The following MLLT1 variants were observed in gnomAD, a reference collection of about 807,000 sequenced individuals.
MLLT1 encodes the protein MLLT1 super elongation complex subunit.
MLLT1 carries 11 observed loss-of-function variants against 55.1 expected under a neutral mutation model. The observed-to-expected ratio is 0.20, with a 90% CI of 0.13 to 0.33. The LOEUF is 0.33. Ranked by LOEUF, MLLT1 falls within the 10% of genes least tolerant of loss-of-function variation. The pLI is 1.00. For missense variants in MLLT1, 536 were observed against 760.6 expected (o/e 0.70, Z 3.47); for synonymous variants, 323 against 320.1 (o/e 1.01, Z -0.10).
At chr19:6,215,121 G>A in intron 8 of MLLT1, among the ~76,000 whole-genome samples, 1 of 152,226 alleles carries the variant, frequency 6.6e-6, no homozygotes, top group East Asian at 1.9e-4. Context: ...CAGCAGACCA[G>A]GGTGTGCAGA....
At chr19:6,232,064 T>C (rs1269502907) in intron 3 of MLLT1, among the ~76,000 whole-genome samples, 1 of 152,096 alleles carries the variant, frequency 6.6e-6, no homozygotes, top group African/African-American at 2.4e-5. Flanking sequence ...GGCGAAACCC[T>C]GTCTCCACTA....
Position 6,260,221 on chromosome 19 carries a change from T to C in MLLT1, c.276+2007A>G, listed in dbSNP as rs1038403801. Among the ~76,000 whole-genome samples the C allele has an allele frequency of 2.0e-5, 3 of 151,772 alleles. No homozygotes were observed. The East Asian group carries it at 5.8e-4, about 29-fold the overall frequency. On this transcript the variant is annotated intron_variant, in intron 3 of 11. Transcript: ENST00000252674. ...ACACAGGGGAGGATGCTGGGCCCAG[T>C]AGTGACAATCCTATGGTCAAAGGGC...
At chr19:6,236,737 C>T (rs1049727274) in intron 3 of MLLT1, among the ~76,000 whole-genome samples, 7 of 152,206 alleles carry the variant, frequency 4.6e-5, no homozygotes, top group Admixed American at 2.0e-4. Flanking sequence ...CCTGGCTACC[C>T]CTGGAAACCA....
chr19:6,258,425 A>C (rs114579139), intron 3 of MLLT1, among the ~76,000 whole-genome samples: 1,691 of 152,330 alleles, frequency 0.011, 31 homozygotes, highest in African/African-American at 0.038. Flanking sequence ...TGAGCTGCCC[A>C]ACACGCATGT....
intron 3 of MLLT1, among the ~76,000 whole-genome samples, chr19:6,237,275 C>T (rs1027439310): frequency 2.0e-5 from 3 of 152,208 alleles, no homozygotes; most frequent in Non-Finnish European, 4.4e-5. Flanking sequence ...CCACACCCCA[C>T]CTGGAGGACA....
intron 3 of MLLT1, among the ~76,000 whole-genome samples, chr19:6,237,329 A>G (rs1159721294): frequency 6.6e-6 from 1 of 152,104 alleles, no homozygotes; most frequent in East Asian, 1.9e-4. Flanking sequence ...GAGAGCAACC[A>G]GCCCTCCTGC....
intron 3 of MLLT1, among the ~76,000 whole-genome samples, chr19:6,257,111 C>T (rs2091263674): frequency 1.3e-5 from 2 of 152,316 alleles, no homozygotes; most frequent in South Asian, 2.1e-4. Flanking sequence ...TCTTCATGAC[C>T]TCATTTGGCA....
rs189722418 is a variant in MLLT1 at position 6,212,091 on chromosome 19, T to A, written c.*951A>T. The A allele has an allele frequency of 2.0e-4, 216 of 1,066,030 alleles. 4 individuals are homozygous for A. The East Asian group carries it at 0.01, about 50-fold the overall frequency. The allele number at this position is 1,066,030 out of a possible 1,614,324, so 66.0% of individuals were successfully genotyped here. A position where few individuals can be genotyped will look rare whatever the true frequency, so the allele number is the denominator to read the frequency against. On this transcript the variant is annotated 3_prime_UTR_variant, in exon 12 of 12. Transcript: ENST00000252674. ...TTTTTTCAAAGTTTGAAGACTTGAA[T>A]GAAAGAGAGGAAGAGGAGCCTATGG... is the stretch of plus-strand genomic sequence containing the variant.
intron 2 of MLLT1, among the ~76,000 whole-genome samples, chr19:6,266,012 G>A (rs1193849701): frequency 1.3e-5 from 2 of 152,156 alleles, no homozygotes; most frequent in Admixed American, 6.5e-5. Context: ...CGGGCATGGT[G>A]GCTCACGCCG....
chr19:6,258,118 G>A (rs1053176177), intron 3 of MLLT1, among the ~76,000 whole-genome samples: 1 of 152,136 alleles, frequency 6.6e-6, no homozygotes, highest in South Asian at 2.1e-4. Context: ...GTATGAGCCT[G>A]CAATTCCATT....
In MLLT1 at chr19:6,212,535, C is replaced by T. The variant is rs555745941; in HGVS notation, c.*507G>A. On this transcript the variant is annotated 3_prime_UTR_variant, in exon 12 of 12. Coordinates refer to ENST00000252674, the MANE Select transcript of MLLT1 (RefSeq NM_005934.4). ...GCACAGACCCCAGCGCAGCGCGAGCCGGGGAGGAGCCGGCGCTAGGTCTAC... is the reference window on the plus strand; with the variant it reads ...GCACAGACCCCAGCGCAGCGCGAGCTGGGGAGGAGCCGGCGCTAGGTCTAC... 1.5e-3 allele frequency: 1,664 copies of T among 1,079,946 alleles called. 2 individuals are homozygous for T. Among genetic ancestry groups the T allele is most frequent in the Admixed American group, 1.9e-3 (38 of 20,116 alleles). The allele number at this position is 1,079,946 out of a possible 1,614,324, so 66.9% of individuals were successfully genotyped here.
In MLLT1 at chr19:6,273,016, C is replaced by T. The variant is rs116823747; in HGVS notation, c.13-2257G>A. 1.6e-3 allele frequency among the ~76,000 whole-genome samples: 239 copies of T among 152,288 alleles called. 1 individual carries two copies. The highest frequency in any genetic ancestry group is 5.4e-3 in the African/African-American group (224 of 41,556). On this transcript the variant is annotated intron_variant, in intron 1 of 11. Coordinates refer to ENST00000252674, the MANE Select transcript of MLLT1 (RefSeq NM_005934.4). This position sits in a 1 kb window ranked among gnomAD's most constrained non-coding sequence, Gnocchi z 4.3. ...CAGAGGGGATTCCCTTGGCTCAGGA[C>T]GACTGTCCCTCTGGAGTTCCCTGGG...
chr19:6,237,003 G>A (rs561029098), intron 3 of MLLT1, among the ~76,000 whole-genome samples: 1 of 152,378 alleles, frequency 6.6e-6, no homozygotes, highest in East Asian at 1.9e-4. Context: ...CTCTGGCCTC[G>A]GGAAACTAAG....
At chr19:6,214,518 C>T (rs1409132979) in intron 8 of MLLT1, among the ~76,000 whole-genome samples, 1 of 152,202 alleles carries the variant, frequency 6.6e-6, no homozygotes, top group Non-Finnish European at 1.5e-5. Context: ...CATCGGCCCC[C>T]CTGACCCTAG....
At position 6,213,012 on chromosome 19, in the gene MLLT1, G is replaced by T. The variant is rs761845242; in HGVS notation, c.*30C>A. The T allele has an allele frequency of 1.9e-6, 3 of 1,610,088 alleles. No individual in the cohort carries two copies. The highest frequency in any genetic ancestry group is 2.5e-6 in the Non-Finnish European group (3 of 1,177,796). ...CCTGGCTGCAGCCTCCCAGGACCCC[G>T]GCGGTGGGGGCCCGGCACGCGGCCC... On this transcript the variant is annotated 3_prime_UTR_variant, in exon 12 of 12. Coordinates refer to ENST00000252674, the MANE Select transcript of MLLT1 (RefSeq NM_005934.4).
chr19:6,254,742 C>A (rs2091244818), intron 3 of MLLT1, among the ~76,000 whole-genome samples: 2 of 152,206 alleles, frequency 1.3e-5, no homozygotes, highest in South Asian at 4.1e-4. Context: ...AAGTTCACAG[C>A]TGACATCACA....
At chr19:6,258,752 T>C (rs760073026) in intron 3 of MLLT1, among the ~76,000 whole-genome samples, 1 of 152,258 alleles carries the variant, frequency 6.6e-6, no homozygotes, top group Non-Finnish European at 1.5e-5. Context: ...GCACCTTTTC[T>C]GCTCCGGTCT....
At chr19:6,241,015 C>G (rs1281201681) in intron 3 of MLLT1, among the ~76,000 whole-genome samples, 1 of 152,200 alleles carries the variant, frequency 6.6e-6, no homozygotes, top group African/African-American at 2.4e-5. Flanking sequence ...ACGTAAACAC[C>G]TGTAAAATGG....
At chr19:6,272,656 C>T (rs552424377) in intron 1 of MLLT1, among the ~76,000 whole-genome samples, 1 of 152,248 alleles carries the variant, frequency 6.6e-6, no homozygotes, top group African/African-American at 2.4e-5. Flanking sequence ...ACATCTTGTT[C>T]GTCCTCTTAG....
Sources: allele counts gnomAD v4.1 joint callset (sites outside exome capture counted in the v4.1 genomes callset), GRCh38; gene constraint gnomAD v4.1.1; non-coding constraint Gnocchi (gnomAD v3.1); transcripts MANE v1.5; gene names NCBI Gene and HGNC (gene_info 2026-07-23, HGNC 2026-07-21).